SLC9A8: variants seen among roughly 807,000 people sequenced by gnomAD.
The protein encoded by SLC9A8 is solute carrier family 9 member A8, also known as sodium/hydrogen exchanger 8.
A neutral mutation model predicts 66.6 loss-of-function variants in SLC9A8; 48 were observed. That is an observed-to-expected ratio of 0.72 (90% CI 0.57 to 0.92). The LOEUF is 0.92. Ranked by LOEUF, SLC9A8 falls within the 40% of genes least tolerant of loss-of-function variation. The pLI is 0.00. For synonymous variants in SLC9A8, 274 were observed against 282.6 expected, an observed-to-expected ratio of 0.97 and a Z score of 0.31; for missense variants, 599 against 747.3, an observed-to-expected ratio of 0.80 and a Z score of 2.31.
rs1441277452 is a variant in SLC9A8 at position 49,850,828 on chromosome 20, C to T, written c.553C>T (p.Leu185Phe). Reference protein sequence around the residue: ...FLGQADVISKLNMTDSFAFGS... With the variant: ...FLGQADVISKFNMTDSFAFGS... The stretch of plus-strand genomic sequence containing the variant: ...TTTACAGGCTGATGTAATCTCTAAA[C>T]TCAACATGACAGACAGGTAAATCCT... The change falls in exon 7 of 16, where the codon CTC (leucine) becomes TTC (phenylalanine). Residue 185 changes from leucine (L) to phenylalanine (F), a missense_variant. Around this residue, in one of 2 missense-constraint regions of SLC9A8, gnomAD observed 467 missense variants for 626.5 expected, o/e 0.75. Transcript: ENST00000361573. 1.2e-6 allele frequency: 2 copies of T among 1,610,076 alleles called. No individual in the cohort carries two copies. The highest frequency in any genetic ancestry group is 1.1e-5 in the South Asian group (1 of 89,772).
chr20:49,826,892 T>G (rs1433218677), intron 3 of SLC9A8, among the ~76,000 whole-genome samples: 2 of 152,176 alleles, frequency 1.3e-5, no homozygotes, highest in African/African-American at 2.4e-5. Context: ...AATTTGAGTT[T>G]ATATCATTTT....
intron 8 of SLC9A8, among the ~76,000 whole-genome samples, chr20:49,858,296 C>CAA (rs2146651676): frequency 6.6e-6 from 1 of 151,704 alleles, no homozygotes; most frequent in East Asian, 1.9e-4. Flanking sequence ...CATCATGCCA[C>CAA]AAGACCTTTA....
intron 2 of SLC9A8, among the ~76,000 whole-genome samples, chr20:49,818,705 A>G (rs1831169): frequency 0.63 from 96,162 of 151,778 alleles, 31,837 homozygotes; most frequent in African/African-American, 0.81. Context: ...TGGCCAGGCT[A>G]GTCTTGAACT....
intron 7 of SLC9A8, among the ~76,000 whole-genome samples, chr20:49,852,127 G>A (rs1032503267): frequency 1.3e-5 from 2 of 152,168 alleles, no homozygotes; most frequent in Admixed American, 1.3e-4. Context: ...AACCCACACA[G>A]CCGCAGGGCC....
At chr20:49,814,917 C>A (rs2086490275) in intron 1 of SLC9A8, 91 bp from the exon 2 acceptor site, 3 of 1,085,950 alleles carry the variant, frequency 2.8e-6, no homozygotes, top group Non-Finnish European at 3.8e-6. Flanking sequence ...CCATAAAGTT[C>A]TTGGACAGCT....
At chr20:49,858,541 T>C (rs2088600217) in intron 8 of SLC9A8, among the ~76,000 whole-genome samples, 1 of 151,910 alleles carries the variant, frequency 6.6e-6, no homozygotes, top group Non-Finnish European at 1.5e-5. Flanking sequence ...GTAGGATCTT[T>C]TCTGAGCTTT....
At chr20:49,831,588 G>A (rs533306177) in intron 3 of SLC9A8, among the ~76,000 whole-genome samples, 115 of 152,276 alleles carry the variant, frequency 7.6e-4, no homozygotes, top group Middle Eastern at 3.4e-3. Context: ...CCCCAAGAGC[G>A]AAGAGGCTAT....
At chr20:49,883,197 G>A (rs1244468562) in intron 13 of SLC9A8, among the ~76,000 whole-genome samples, 2 of 152,110 alleles carry the variant, frequency 1.3e-5, no homozygotes, top group African/African-American at 4.8e-5. Flanking sequence ...CTCAGTCCAT[G>A]CCCCTCAGTT....
chr20:49,834,335 A>G lies in SLC9A8; in HGVS notation c.290-5206A>G, dbSNP rs374211697. 5.8e-3 allele frequency among the ~76,000 whole-genome samples: 338 copies of G among 57,958 alleles called. 25 individuals carry two copies. The highest frequency in any genetic ancestry group is 0.046 in the East Asian group (139 of 3,048). 38.0% of individuals were successfully genotyped at this position (57,958 alleles called of 152,430 possible). A position where few individuals can be genotyped will look rare whatever the true frequency, so the allele number is the denominator to read the frequency against. On this transcript the variant is annotated intron_variant, in intron 3 of 15. Transcript: ENST00000361573. ...GTGTGTATATATATATATACTGTGT[A>G]TATATATATATACTGTATATATATA...
intron 2 of SLC9A8, 116 bp downstream of exon 2, chr20:49,815,305 A>C: frequency 1.3e-6 from 1 of 799,178 alleles, no homozygotes; most frequent in Non-Finnish European, 1.9e-6. Flanking sequence ...TTTGGTTTTC[A>C]TATCAAACAC....
chr20:49,820,679 T>A (rs1009987592), intron 2 of SLC9A8, among the ~76,000 whole-genome samples: 6 of 151,888 alleles, frequency 4.0e-5, no homozygotes, highest in Non-Finnish European at 7.4e-5. Context: ...CCCATATAGC[T>A]GGGATTCAGG....
rs773140355 is a variant in SLC9A8, at chr20:49,823,082, A to G, written c.230A>G (p.His77Arg). ...ACAGCTATCTGCATCATATTGGTGCATTTACTGATCCGATACAGATTACAT... is the reference window on the plus strand; with the variant it reads ...ACAGCTATCTGCATCATATTGGTGCGTTTACTGATCCGATACAGATTACAT... ...LVLAICIILV[H>R]LLIRYRLHFL... The change falls in exon 3 of 16, where the codon CAT becomes CGT. Residue 77 changes from histidine (H) to arginine (R), a missense_variant. Coordinates refer to ENST00000361573, the MANE Select transcript of SLC9A8 (RefSeq NM_015266.3). The G allele has an allele frequency of 2.7e-5, 44 of 1,612,738 alleles. No individual in the cohort carries two copies. The highest frequency in any genetic ancestry group is 3.6e-5 in the Non-Finnish European group (43 of 1,179,456).
intron 8 of SLC9A8, among the ~76,000 whole-genome samples, chr20:49,860,956 A>G (rs566392804): frequency 1.3e-5 from 2 of 152,324 alleles, no homozygotes; most frequent in South Asian, 2.1e-4. Flanking sequence ...AGGAGAAGTC[A>G]AGCACCATGA....
intron 8 of SLC9A8, among the ~76,000 whole-genome samples, chr20:49,857,313 T>A (rs901359335): frequency 6.6e-6 from 1 of 152,262 alleles, no homozygotes; most frequent in Non-Finnish European, 1.5e-5. Flanking sequence ...ATAACCACTC[T>A]GTGGTAGCTG....
At chr20:49,853,616 G>A (rs1188673196) in intron 7 of SLC9A8, among the ~76,000 whole-genome samples, 1 of 152,230 alleles carries the variant, frequency 6.6e-6, no homozygotes, top group East Asian at 1.9e-4. Flanking sequence ...GTTGTTTAGT[G>A]GAGTTACCTT....
chr20:49,866,611 C>T (rs6012759), intron 10 of SLC9A8, among the ~76,000 whole-genome samples: 1 of 152,010 alleles, frequency 6.6e-6, no homozygotes, highest in Non-Finnish European at 1.5e-5. Flanking sequence ...TTATATTCGC[C>T]TTGGGTTCAT....
chr20:49,839,400 C>A, intron 3 of SLC9A8, 141 bp from the exon 4 acceptor site: 1 of 462,000 alleles, frequency 2.2e-6, no homozygotes, highest in Non-Finnish European at 3.9e-6. Context: ...TCACGTCTCC[C>A]TAAAATGTAC....
chr20:49,815,372 A>G (rs1305319124), intron 2 of SLC9A8, 183 bp downstream of exon 2: 3 of 433,806 alleles, frequency 6.9e-6, no homozygotes, highest in Non-Finnish European at 1.2e-5. Flanking sequence ...TCTTTATAAA[A>G]TCATGGTGCT....
chr20:49,854,642 G>A (rs2088394541), intron 7 of SLC9A8, among the ~76,000 whole-genome samples: 1 of 152,210 alleles, frequency 6.6e-6, no homozygotes, highest in African/African-American at 2.4e-5. Flanking sequence ...ACTCTGGGCA[G>A]ATAGCCTGGC....
Sources: allele counts gnomAD v4.1 joint callset (sites outside exome capture counted in the v4.1 genomes callset), GRCh38; gene constraint gnomAD v4.1.1; regional missense constraint gnomAD v4.1.1; transcripts MANE v1.5; gene names NCBI Gene and HGNC (gene_info 2026-07-23, HGNC 2026-07-21).